Variants in DHX29 observed in about 807,000 individuals in gnomAD.
The protein encoded by DHX29 is DExH-box helicase 29.
In DHX29, 79 loss-of-function variants were observed where a neutral mutation model predicts 167.9. That is an observed-to-expected ratio of 0.47 (90% CI 0.39 to 0.57). DHX29 has a LOEUF of 0.57. Among genes scored for constraint, DHX29 ranks in the 20% least tolerant of loss-of-function variants. The pLI is 0.00. For synonymous variants in DHX29, 530 were observed against 546.0 expected (o/e 0.97, Z 0.41); for missense variants, 1,347 against 1,593.4 (o/e 0.85, Z 2.63).
chr5:55,298,550 G>T lies in DHX29; in HGVS notation c.261+41C>A, dbSNP rs776287918. On this transcript the variant is annotated intron_variant, in intron 2 of 26. Transcript: ENST00000251636. ...ACATCTTTTTTGGGGGAAAAAAGGG[G>T]GAAACATTTCTTGAAATGACTCAAA... is the stretch of plus-strand genomic sequence containing the variant. 3.3e-6 allele frequency: 4 copies of T among 1,206,082 alleles called. No homozygotes were observed. In the East Asian group the frequency reaches 9.4e-5, roughly 28 times the overall value. 74.7% of individuals were successfully genotyped at this position (1,206,082 alleles called of 1,614,324 possible). A position where few individuals can be genotyped will look rare whatever the true frequency, so the allele number is the denominator to read the frequency against.
chr5:55,287,420 GAC>G lies in DHX29; in HGVS notation c.1067-1561_1067-1560del, dbSNP rs1281094651. On this transcript the variant is annotated intron_variant, in intron 8 of 26. Transcript: ENST00000251636. ...CGTGCCACTGTTCTCCAGCCTGGGT[GAC>G]AGAGTGAAGGTCTGTCTCAAAAAAA... Among the ~76,000 whole-genome samples, 8 of 151,932 alleles carry G rather than the reference GAC, an allele frequency of 5.3e-5. No individual in the cohort carries two copies. The East Asian group carries it at 1.6e-3, about 29-fold the overall frequency.
chr5:55,288,545 T>A (rs1046406339), intron 8 of DHX29, among the ~76,000 whole-genome samples: 1 of 152,094 alleles, frequency 6.6e-6, no homozygotes, highest in African/African-American at 2.4e-5. Flanking sequence ...TATAGTATTA[T>A]GATTAACACT....
intron 14 of DHX29, 35 bp from the exon 15 acceptor site, chr5:55,275,045 A>T: frequency 6.3e-7 from 1 of 1,597,762 alleles, no homozygotes; most frequent in Non-Finnish European, 8.5e-7. Context: ...GGTGAATAAA[A>T]ATATTAAGTA....
intron 17 of DHX29, 140 bp downstream of exon 17, chr5:55,273,153 C>G: frequency 1.3e-6 from 1 of 753,574 alleles, no homozygotes. Flanking sequence ...CTGATGATGG[C>G]AAGGTGCAGA....
intron 18 of DHX29, among the ~76,000 whole-genome samples, chr5:55,271,113 A>C (rs1240244643): frequency 3.3e-5 from 5 of 152,218 alleles, no homozygotes; most frequent in Non-Finnish European, 1.5e-5. Flanking sequence ...CAATTCAAAG[A>C]ATCAAGAATC....
chr5:55,307,341 GC>G (rs1748926789), intron 1 of DHX29, 45 bp downstream of exon 1: 1 of 1,538,044 alleles, frequency 6.5e-7, no homozygotes, highest in Non-Finnish European at 8.9e-7. Context: ...AGGACAAGCA[GC>G]AAGGTCTCAG....
At chr5:55,299,684 C>G (rs902443072) in intron 1 of DHX29, among the ~76,000 whole-genome samples, 1 of 152,122 alleles carries the variant, frequency 6.6e-6, no homozygotes, top group Non-Finnish European at 1.5e-5. Context: ...AAATGTCCCT[C>G]TCCTTTCTCT....
intron 23 of DHX29, among the ~76,000 whole-genome samples, chr5:55,264,256 T>A (rs1480651125): frequency 2.6e-5 from 4 of 152,188 alleles, no homozygotes; most frequent in Non-Finnish European, 5.9e-5. Context: ...GTCTTTACAT[T>A]TTAACTACAC....
chr5:55,261,600 C>T, intron 24 of DHX29, 101 bp from the exon 25 acceptor site: 2 of 781,808 alleles, frequency 2.6e-6, no homozygotes, highest in South Asian at 3.2e-5. Flanking sequence ...TGTTATTCTA[C>T]ATTTTAAGCT....
chr5:55,274,867 T>C lies in DHX29; in HGVS notation c.2571A>G (p.Leu857=). 1 of 1,612,632 alleles carries C rather than the reference T, an allele frequency of 6.2e-7. No individual in the cohort carries two copies. The highest frequency in any genetic ancestry group is 8.5e-7 in the Non-Finnish European group (1 of 1,179,494). Residue 857 remains leucine (L), a splice_region_variant and synonymous_variant, in exon 15 of 27, where the codon TTA becomes TTG. Coordinates refer to ENST00000251636, the MANE Select transcript of DHX29 (RefSeq NM_019030.4). ...GACCCATTAGAAATAGAAATATACC[T>C]AAGTATGCAAGAAGTTCCAAAATGA... ...LDLILELLAY[L]DKSPQFRNIE...
intron 8 of DHX29, among the ~76,000 whole-genome samples, chr5:55,288,852 T>C (rs1046879139): frequency 6.6e-6 from 1 of 152,116 alleles, no homozygotes; most frequent in Non-Finnish European, 1.5e-5. Context: ...AAGAGTAAGG[T>C]GGCTGGAGTA....
chr5:55,262,707 G>C lies in DHX29; in HGVS notation c.3751C>G (p.Gln1251Glu). 1 of 1,613,972 alleles carries C rather than the reference G, an allele frequency of 6.2e-7. No individual in the cohort carries two copies. The highest frequency in any genetic ancestry group is 1.1e-5 in the South Asian group (1 of 91,074). The change falls in exon 24 of 27, where the codon CAA (glutamine) becomes GAA (glutamate). Residue 1251 changes from glutamine to glutamate, a missense_variant. Gln to Glu is a conservative substitution (Grantham distance 29). Around this residue, in one of 3 missense-constraint regions of DHX29, gnomAD observed 882 missense variants for 1,082.4 expected, o/e 0.81. Transcript: ENST00000251636. ...GATGGGTGTACTTGTGCTTTGCCTT[G>C]GGCCGTCTCCACAATGCAAGCCAAT... ...EKLACIVETA[Q>E]GKAQVHPSSV...
chr5:55,282,764 T>C (rs1747499397), intron 11 of DHX29, among the ~76,000 whole-genome samples: 2 of 152,274 alleles, frequency 1.3e-5, no homozygotes, highest in South Asian at 4.1e-4. Flanking sequence ...AATATGGGGT[T>C]GGAAAATACT....
rs1048779510 is a variant in DHX29 at position 55,267,152 on chromosome 5, G to A, written c.3511C>T (p.Leu1171=). ...TTAAGAATTACCTCTAGGGTTAACA[G>A]TGATGTTCTATTAAGAAAGTTCCTC... ...CRRNFLNRTS[L]LTLEDVKQEL... Residue 1171 remains leucine (L), a synonymous_variant, in exon 23 of 27, where the codon CTG becomes TTG. Transcript: ENST00000251636. 1 of 1,609,548 alleles carries A rather than the reference G, an allele frequency of 6.2e-7. No homozygotes were observed. Among genetic ancestry groups the A allele is most frequent in the African/African-American group, 1.3e-5 (1 of 74,808 alleles).
At chr5:55,306,030 G>C (rs1055039150) in intron 1 of DHX29, among the ~76,000 whole-genome samples, 1 of 152,122 alleles carries the variant, frequency 6.6e-6, no homozygotes, top group African/African-American at 2.4e-5. Context: ...AAATTCAGAG[G>C]AATGTCAGTA....
intron 2 of DHX29, 62 bp downstream of exon 2, chr5:55,298,528 TC>T: frequency 1.0e-6 from 1 of 1,001,170 alleles, no homozygotes; most frequent in Non-Finnish European, 1.6e-6. Flanking sequence ...TAAGGATACA[TC>T]TTTTTTGGGG....
chr5:55,264,857 T>C (rs1746477283), intron 23 of DHX29, among the ~76,000 whole-genome samples: 1 of 152,162 alleles, frequency 6.6e-6, no homozygotes, highest in Non-Finnish European at 1.5e-5. Context: ...TACCTCAGGG[T>C]ATTCAAATAT....
At chr5:55,261,570 G>A in intron 24 of DHX29, 71 bp from the exon 25 acceptor site, 1 of 949,616 alleles carries the variant, frequency 1.1e-6, no homozygotes, top group Non-Finnish European at 1.6e-6. Flanking sequence ...TCTTTTTCAA[G>A]TAAGCATTTT....
rs1747512487 is a variant in DHX29, at chr5:55,283,001, G to C, written c.1965+202C>G. 3.5e-5 allele frequency: 15 copies of C among 423,408 alleles called. No individual in the cohort carries two copies. In the East Asian group the frequency reaches 5.1e-4, roughly 14 times the overall value. 26.2% of individuals were successfully genotyped at this position (423,408 alleles called of 1,614,324 possible). On this transcript the variant is annotated intron_variant, in intron 11 of 26. Transcript: ENST00000251636. ...CTTTTATATGAGAATTTTAATGACAGAACTCTACTGATAATCCTTCTCATA... is the reference window on the plus strand; with the variant it reads ...CTTTTATATGAGAATTTTAATGACACAACTCTACTGATAATCCTTCTCATA...
Sources: allele counts gnomAD v4.1 joint callset (sites outside exome capture counted in the v4.1 genomes callset), GRCh38; gene constraint gnomAD v4.1.1; regional missense constraint gnomAD v4.1.1; transcripts MANE v1.5; gene names NCBI Gene and HGNC (gene_info 2026-07-23, HGNC 2026-07-21).